FGF12: variants seen among roughly 807,000 people sequenced by gnomAD.
The protein encoded by FGF12 is fibroblast growth factor 12B.
A neutral mutation model predicts 23.6 loss-of-function variants in FGF12; 14 were observed. That is an observed-to-expected ratio of 0.59 (90% CI 0.39 to 0.93). The LOEUF (loss-of-function observed/expected upper bound fraction) is 0.93. FGF12 is among the 40% of genes least tolerant of loss of function. The pLI, the probability that FGF12 is intolerant of heterozygous loss-of-function variation, is 0.00. For synonymous variants in FGF12, 62 were observed against 77.3 expected (o/e 0.80, Z 1.04); for missense variants, 175 against 217.8 (o/e 0.80, Z 1.24).
chr3:192,365,993 A>AAC (rs1553803137), intron 2 of FGF12, among the ~76,000 whole-genome samples: 7 of 149,376 alleles, frequency 4.7e-5, no homozygotes, highest in Non-Finnish European at 8.9e-5. Flanking sequence ...AAAAAAAAAA[A>AAC]AACAACAACA....
intron 4 of FGF12, among the ~76,000 whole-genome samples, chr3:192,267,355 G>A (rs992161153): frequency 1.3e-5 from 2 of 152,040 alleles, no homozygotes; most frequent in African/African-American, 4.8e-5. Context: ...TGCAGCCCCC[G>A]TCTAAAATTC....
At chr3:192,428,238 C>T (rs1721751442) in intron 2 of FGF12, among the ~76,000 whole-genome samples, 1 of 152,196 alleles carries the variant, frequency 6.6e-6, no homozygotes, top group Admixed American at 6.5e-5. Context: ...TGTCTATCTC[C>T]TCTACTCGAC....
At chr3:192,214,892 C>G (rs1211061530) in intron 4 of FGF12, among the ~76,000 whole-genome samples, 3 of 152,212 alleles carry the variant, frequency 2.0e-5, no homozygotes, top group Admixed American at 2.0e-4. Context: ...GTTTTAGGTA[C>G]TCTCACATGT....
chr3:192,276,737 T>C (rs139007621), intron 4 of FGF12, among the ~76,000 whole-genome samples: 5 of 152,266 alleles, frequency 3.3e-5, no homozygotes, highest in Admixed American at 6.5e-5. Context: ...TACTCTAACT[T>C]GCCCCCTCTA....
At chr3:192,305,275 A>G in intron 4 of FGF12, among the ~76,000 whole-genome samples, 1 of 152,134 alleles carries the variant, frequency 6.6e-6, no homozygotes, top group East Asian at 1.9e-4. Flanking sequence ...ATGCTACTAC[A>G]GGGTGTCAAA....
rs149790116 is a variant in FGF12, at chr3:192,284,876, T to G, written c.228+50485A>C. Among the ~76,000 whole-genome samples, 1,224 of 152,050 alleles carry G rather than the reference T, an allele frequency of 8.0e-3. 14 individuals are homozygous for G. The highest frequency in any genetic ancestry group is 0.028 in the African/African-American group (1,156 of 41,514). ...CTGGATTTTAACTCATTGGCCCTGG[T>G]GTTATGCAGCAAGCACTAGGCTCTT... On this transcript the variant is annotated intron_variant, in intron 4 of 5. Coordinates refer to ENST00000445105, the MANE Select transcript of FGF12 (RefSeq NM_004113.6).
intron 4 of FGF12, among the ~76,000 whole-genome samples, chr3:192,309,878 CCTT>C (rs1715845860): frequency 6.6e-6 from 1 of 152,158 alleles, no homozygotes; most frequent in African/African-American, 2.4e-5. Flanking sequence ...AATCTTTCAT[CCTT>C]CTTAAAACTC....
At chr3:192,222,755 T>A (rs1321326211) in intron 4 of FGF12, among the ~76,000 whole-genome samples, 1 of 152,186 alleles carries the variant, frequency 6.6e-6, no homozygotes, top group Non-Finnish European at 1.5e-5. Context: ...GGCTGGGGAA[T>A]GGTAAATCTA....
intron 4 of FGF12, among the ~76,000 whole-genome samples, chr3:192,328,303 G>T (rs1399170817): frequency 6.6e-6 from 1 of 152,182 alleles, no homozygotes; most frequent in Non-Finnish European, 1.5e-5. Context: ...AGGGGCTTTG[G>T]GTCACACAAT....
chr3:192,378,268 G>A (rs1041900241), intron 2 of FGF12, among the ~76,000 whole-genome samples: 1 of 149,250 alleles, frequency 6.7e-6, no homozygotes, highest in Non-Finnish European at 1.5e-5. Flanking sequence ...GTGCTATCAT[G>A]CCTAGCTAAT....
At chr3:192,654,674 G>A (rs780905538) in intron 2 of FGF12, among the ~76,000 whole-genome samples, 49 of 152,206 alleles carry the variant, frequency 3.2e-4, no homozygotes, top group Non-Finnish European at 6.0e-4. Flanking sequence ...AATGTTCAAC[G>A]TGAAGCAGAA....
chr3:192,647,146 A>G (rs1716035005), intron 2 of FGF12, among the ~76,000 whole-genome samples: 1 of 152,168 alleles, frequency 6.6e-6, no homozygotes, highest in Non-Finnish European at 1.5e-5. Context: ...TCACAAATAC[A>G]TGAAGATGAC....
chr3:192,682,035 C>T (rs369866862), intron 2 of FGF12, among the ~76,000 whole-genome samples: 8 of 152,256 alleles, frequency 5.3e-5, no homozygotes, highest in East Asian at 3.9e-4. Flanking sequence ...ATGGTTTGCC[C>T]ATCATTTTCT....
chr3:192,361,292 CATTTGA>C (rs1198327255), intron 2 of FGF12, among the ~76,000 whole-genome samples: 1 of 151,512 alleles, frequency 6.6e-6, no homozygotes, highest in African/African-American at 2.4e-5. Flanking sequence ...TTGTATAACA[CATTTGA>C]ATTTTTGTGC....
At chr3:192,325,157 T>C (rs1400844768) in intron 4 of FGF12, among the ~76,000 whole-genome samples, 1 of 152,192 alleles carries the variant, frequency 6.6e-6, no homozygotes, top group Non-Finnish European at 1.5e-5. Context: ...GCCAGGTTCT[T>C]GGGTTGACAG....
intron 5 of FGF12, among the ~76,000 whole-genome samples, chr3:192,163,374 G>A (rs1444119471): frequency 6.6e-6 from 1 of 152,078 alleles, no homozygotes; most frequent in Non-Finnish European, 1.5e-5. Flanking sequence ...AAACATACCT[G>A]TCTTGATAGT....
rs553715120 is a variant in FGF12 at position 192,513,937 on chromosome 3, C to G, written c.14-153399G>C. Among the ~76,000 whole-genome samples the G allele has an allele frequency of 5.9e-5, 9 of 152,304 alleles. No individual in the cohort carries two copies. The East Asian group carries it at 1.7e-3, about 29-fold the overall frequency. ...AGACAATGGAGGAAACGTGGTGAAA[C>G]AGCACACCATTTTGCAAGACTTCAG... On this transcript the variant is annotated intron_variant, in intron 2 of 5. Coordinates refer to ENST00000445105, the MANE Select transcript of FGF12 (RefSeq NM_004113.6).
intron 2 of FGF12, among the ~76,000 whole-genome samples, chr3:192,521,824 A>G (rs1401809010): frequency 2.6e-5 from 4 of 152,292 alleles, no homozygotes; most frequent in South Asian, 2.1e-4. Context: ...CCAAGAGACT[A>G]TGAGCCTTTT....
chr3:192,433,941 A>G (rs1560109754), intron 2 of FGF12, among the ~76,000 whole-genome samples: 1 of 152,206 alleles, frequency 6.6e-6, no homozygotes, highest in Non-Finnish European at 1.5e-5. Flanking sequence ...GAGGGCTGGC[A>G]ATGATTTACT....
Sources: gnomAD v4.1 joint callset for allele counts (sites outside exome capture counted in the v4.1 genomes callset) on GRCh38, gnomAD v4.1.1 for gene constraint, MANE v1.5 for transcripts, NCBI Gene and HGNC (gene_info 2026-07-23, HGNC 2026-07-21) for gene names.